AKAP19: variants seen among roughly 807,000 people sequenced by gnomAD.
The protein encoded by AKAP19 is A-kinase anchoring protein 19.
At chr2:190,030,375 G>T in the AKAP19 span, among the ~76,000 whole-genome samples, 2 of 152,072 alleles carry the variant, frequency 1.3e-5, no homozygotes, top group Non-Finnish European at 2.9e-5. Flanking sequence ...TACTTTCCAG[G>T]CTCTTCTGTT....
chr2:190,060,947 A>G, the AKAP19 span, among the ~76,000 whole-genome samples: 1 of 152,042 alleles, frequency 6.6e-6, no homozygotes, highest in Admixed American at 6.6e-5. Context: ...CATCTGTTAC[A>G]TTTTGGCTTT....
the AKAP19 span, among the ~76,000 whole-genome samples, chr2:189,968,908 AT>A: frequency 2.0e-5 from 3 of 152,012 alleles, no homozygotes; most frequent in Admixed American, 6.6e-5. Flanking sequence ...AATATTTCCT[AT>A]AGTATAATAC....
the AKAP19 span, among the ~76,000 whole-genome samples, chr2:190,098,664 C>T: frequency 2.0e-5 from 3 of 152,208 alleles, no homozygotes; most frequent in Non-Finnish European, 4.4e-5. Context: ...GTCAGCCTAT[C>T]CTTTGAAGCT....
At chr2:190,190,086 T>A in the AKAP19 span, 4 of 152,244 alleles carry the variant, frequency 2.6e-5, no homozygotes, top group African/African-American at 9.6e-5. Context: ...AAAGTAAAAA[T>A]TACAGTGAAA....
the AKAP19 span, among the ~76,000 whole-genome samples, chr2:189,945,239 G>T: frequency 6.6e-6 from 1 of 152,082 alleles, no homozygotes; most frequent in Non-Finnish European, 1.5e-5. Context: ...AAATAATAGA[G>T]ATCAGAGCAG....
At chr2:190,186,900 C>T in the AKAP19 span, among the ~76,000 whole-genome samples, 12 of 152,002 alleles carry the variant, frequency 7.9e-5, no homozygotes, top group Non-Finnish European at 7.4e-5. This position sits in a 1 kb window ranked among gnomAD's most constrained non-coding sequence, Gnocchi z 5.5. Flanking sequence ...AGTGCAGTGG[C>T]GTGACCATGG....
the AKAP19 span, among the ~76,000 whole-genome samples, chr2:190,199,274 C>CAGTT: frequency 7.9e-5 from 12 of 152,242 alleles, no homozygotes; most frequent in African/African-American, 2.4e-4. Flanking sequence ...TGGTCTGTCA[C>CAGTT]AGTTATTCAG....
chr2:189,934,377 C>T, the AKAP19 span, among the ~76,000 whole-genome samples: 9 of 152,016 alleles, frequency 5.9e-5, no homozygotes, highest in African/African-American at 1.7e-4. Context: ...ATGCAGATTC[C>T]ATAATTGTAA....
At chr2:190,141,250 G>A in the AKAP19 span, among the ~76,000 whole-genome samples, 2 of 152,022 alleles carry the variant, frequency 1.3e-5, no homozygotes, top group Non-Finnish European at 2.9e-5. Flanking sequence ...TGTCTTCTTT[G>A]GAACCCTCCA....
chr2:189,942,625 A>G, the AKAP19 span, among the ~76,000 whole-genome samples: 1 of 152,330 alleles, frequency 6.6e-6, no homozygotes, highest in South Asian at 2.1e-4. Flanking sequence ...AAAGTTTGGA[A>G]CTTCTTAGAC....
chr2:189,986,820 A>T, the AKAP19 span, among the ~76,000 whole-genome samples: 3 of 152,142 alleles, frequency 2.0e-5, no homozygotes, highest in South Asian at 6.2e-4. Context: ...AACCTTTCCT[A>T]AAGCCTCCTT....
the AKAP19 span, chr2:189,930,704 G>T: frequency 1.9e-6 from 1 of 529,820 alleles, no homozygotes; most frequent in Non-Finnish European, 3.5e-6. Flanking sequence ...AATTGAATTG[G>T]GTCCCCATAA....
At chr2:190,141,624 C>A in the AKAP19 span, among the ~76,000 whole-genome samples, 1 of 152,102 alleles carries the variant, frequency 6.6e-6, no homozygotes, top group Non-Finnish European at 1.5e-5. Context: ...ATGGGGGTAA[C>A]CACCCCCATG....
chr2:189,995,494 T>A, the AKAP19 span, among the ~76,000 whole-genome samples: 1 of 152,196 alleles, frequency 6.6e-6, no homozygotes, highest in Non-Finnish European at 1.5e-5. Flanking sequence ...TTACCTTAAG[T>A]TTACATGAGT....
At chr2:189,996,144 T>C in the AKAP19 span, among the ~76,000 whole-genome samples, 1 of 152,244 alleles carries the variant, frequency 6.6e-6, no homozygotes, top group Non-Finnish European at 1.5e-5. Context: ...TCTAGATCTC[T>C]AGCAAGGCCA....
At chr2:189,953,112 C>G in the AKAP19 span, among the ~76,000 whole-genome samples, 1 of 20,518 alleles carries the variant, frequency 4.9e-5, no homozygotes, top group African/African-American at 1.6e-4. Flanking sequence ...ACATCCCTGG[C>G]CAGATTTTTG....
At chr2:189,964,756 A>C in the AKAP19 span, among the ~76,000 whole-genome samples, 1 of 152,122 alleles carries the variant, frequency 6.6e-6, no homozygotes, top group Non-Finnish European at 1.5e-5. Flanking sequence ...CTCAACTTTC[A>C]CAGAATTTAA....
chr2:189,958,318 A>G, the AKAP19 span, among the ~76,000 whole-genome samples: 2 of 152,096 alleles, frequency 1.3e-5, no homozygotes, highest in Non-Finnish European at 2.9e-5. Flanking sequence ...AGTGCATATT[A>G]AAACTACAAG....
the AKAP19 span, among the ~76,000 whole-genome samples, chr2:190,171,663 T>A: frequency 1.3e-5 from 2 of 152,078 alleles, no homozygotes; most frequent in Non-Finnish European, 2.9e-5. Flanking sequence ...CCAGAAAAAA[T>A]TTCATATTAC....
Sources: gnomAD v4.1 joint callset for allele counts (sites outside exome capture counted in the v4.1 genomes callset) on GRCh38, gnomAD v4.1.1 for gene constraint, Gnocchi (gnomAD v3.1) non-coding constraint, MANE v1.5 for transcripts, NCBI Gene and HGNC (gene_info 2026-07-23, HGNC 2026-07-21) for gene names.